The following SSBP3 variants were observed in gnomAD, a reference collection of about 807,000 sequenced individuals.
SSBP3 encodes single-stranded DNA-binding protein 3.
In SSBP3, 5 loss-of-function variants were observed where a neutral mutation model predicts 69.6. That is an observed-to-expected ratio of 0.07 (90% CI 0.04 to 0.15). The LOEUF (loss-of-function observed/expected upper bound fraction) is 0.15. Ranked by LOEUF, SSBP3 falls within the 10% of genes least tolerant of loss-of-function variation. The pLI is 1.00. For synonymous variants in SSBP3, 196 were observed against 193.4 expected, an observed-to-expected ratio of 1.01 and a Z score of -0.11; for missense variants, 312 against 534.0, an observed-to-expected ratio of 0.58 and a Z score of 4.10.
intron 9 of SSBP3, among the ~76,000 whole-genome samples, chr1:54,250,287 G>C (rs1038200047): frequency 6.6e-6 from 1 of 152,228 alleles, no homozygotes; most frequent in African/African-American, 2.4e-5. Context: ...TATGGGGCTG[G>C]CAGAAGACAA....
chr1:54,314,968 C>T (rs1646069761), intron 4 of SSBP3, among the ~76,000 whole-genome samples: 1 of 152,150 alleles, frequency 6.6e-6, no homozygotes, highest in African/African-American at 2.4e-5. Flanking sequence ...CAGAGCTTGT[C>T]ACTCGGCCCT....
At chr1:54,405,064 T>G in intron 1 of SSBP3, 134 bp from the exon 2 acceptor site, 1 of 774,996 alleles carries the variant, frequency 1.3e-6, no homozygotes, top group Non-Finnish European at 2.2e-6. Flanking sequence ...GGTAAGCAGC[T>G]AGCTCACCCC....
chr1:54,313,242 T>C (rs1292287291), intron 4 of SSBP3, among the ~76,000 whole-genome samples: 1 of 151,946 alleles, frequency 6.6e-6, no homozygotes, highest in African/African-American at 2.4e-5. Flanking sequence ...TTGATATGTT[T>C]GTTCTCCAAA....
intron 7 of SSBP3, among the ~76,000 whole-genome samples, chr1:54,255,991 G>A (rs774561316): frequency 3.9e-5 from 6 of 152,018 alleles, no homozygotes; most frequent in Non-Finnish European, 8.8e-5. Context: ...AGAACTGCTT[G>A]AACCCAGGAG....
intron 4 of SSBP3, among the ~76,000 whole-genome samples, chr1:54,336,064 A>G (rs1381305984): frequency 6.6e-6 from 1 of 152,208 alleles, no homozygotes; most frequent in Non-Finnish European, 1.5e-5. Flanking sequence ...CAGCTACTAC[A>G]TCTGCAGAAA....
At chr1:54,328,277 A>T (rs968945864) in intron 4 of SSBP3, among the ~76,000 whole-genome samples, 2 of 152,206 alleles carry the variant, frequency 1.3e-5, no homozygotes, top group African/African-American at 4.8e-5. Flanking sequence ...ACCCTGCCTG[A>T]GCGAGGTGTT....
chr1:54,247,700 C>T (rs78002296), intron 9 of SSBP3, among the ~76,000 whole-genome samples: 1 of 152,170 alleles, frequency 6.6e-6, no homozygotes, highest in Non-Finnish European at 1.5e-5. Flanking sequence ...GAAACAACAA[C>T]AAGTCGGTGG....
intron 10 of SSBP3, among the ~76,000 whole-genome samples, chr1:54,242,509 G>T (rs536190971): frequency 5.3e-5 from 8 of 152,286 alleles, no homozygotes; most frequent in African/African-American, 1.9e-4. Context: ...TCACAACAGG[G>T]TTAAAAATCA....
At chr1:54,308,533 G>A (rs1308999744) in intron 4 of SSBP3, among the ~76,000 whole-genome samples, 4 of 151,092 alleles carry the variant, frequency 2.6e-5, no homozygotes, top group South Asian at 2.1e-4. Flanking sequence ...CCCGGGAGGC[G>A]GAGCTTGCAG....
At chr1:54,282,128 C>T (rs1021895670) in intron 4 of SSBP3, among the ~76,000 whole-genome samples, 1 of 152,120 alleles carries the variant, frequency 6.6e-6, no homozygotes, top group Non-Finnish European at 1.5e-5. Context: ...CAGCCTGAGA[C>T]AAAGTGCCAA....
chr1:54,226,808 C>T, exon 18 of SSBP3: 1 of 278,590 alleles, frequency 3.6e-6, no homozygotes, highest in Non-Finnish European at 6.9e-6. Context: ...AAACCCCAAA[C>T]AAAAAACAAC....
At chr1:54,403,421 G>C (rs572070626) in intron 3 of SSBP3, among the ~76,000 whole-genome samples, 1 of 152,136 alleles carries the variant, frequency 6.6e-6, no homozygotes, top group African/African-American at 2.4e-5. Flanking sequence ...GTTTCTACAA[G>C]ATCCAAGCCG....
intron 4 of SSBP3, among the ~76,000 whole-genome samples, chr1:54,346,136 C>T (rs1424801461): frequency 6.6e-6 from 1 of 151,056 alleles, no homozygotes; most frequent in South Asian, 2.1e-4. Context: ...GCACTCCAGC[C>T]GTGTGACAGA....
At chr1:54,406,627 T>G (rs1649795887), upstream of SSBP3, among the ~76,000 whole-genome samples, 1 of 151,816 alleles carries the variant, frequency 6.6e-6, no homozygotes, top group South Asian at 2.1e-4. Context: ...AGCCTCTCTT[T>G]CTGTCGCCGG....
rs547687511 is a variant in SSBP3 at position 54,298,269 on chromosome 1, C to T, written c.277-16742G>A. Among the ~76,000 whole-genome samples the T allele has an allele frequency of 3.3e-5, 5 of 152,250 alleles. No homozygotes were observed. In the South Asian group the frequency reaches 1.0e-3, roughly 32 times the overall value. On this transcript the variant is annotated intron_variant, in intron 4 of 17. Coordinates refer to ENST00000610401, the Ensembl canonical transcript of SSBP3. ...TGATTAGGTCTGGGGAGGCCTAGCT[C>T]GGACCCCTCTCTGCACTACCATGCC... is the stretch of plus-strand genomic sequence containing the variant.
At chr1:54,361,296 G>C (rs1295139077) in intron 4 of SSBP3, among the ~76,000 whole-genome samples, 2 of 152,148 alleles carry the variant, frequency 1.3e-5, no homozygotes, top group Non-Finnish European at 2.9e-5. Flanking sequence ...TTCACATCCT[G>C]TAACCTGGCC....
chr1:54,268,270 G>A (rs546003486), intron 5 of SSBP3, among the ~76,000 whole-genome samples: 26 of 152,368 alleles, frequency 1.7e-4, no homozygotes, highest in African/African-American at 6.3e-4. Flanking sequence ...AAAATGGATA[G>A]TGCTGCAAAG....
chr1:54,242,201 G>A, exon 11 of SSBP3: 1 of 1,613,830 alleles, frequency 6.2e-7, no homozygotes. Flanking sequence ...GGGTCTGCCA[G>A]CTCCCGGGCC....
intron 1 of SSBP3, 61 bp downstream of exon 1, chr1:54,405,892 C>G: frequency 1.3e-6 from 1 of 779,570 alleles, no homozygotes; most frequent in Non-Finnish European, 1.7e-6. Flanking sequence ...ACCTGCCTCC[C>G]ACCGCCCGCC....
Sources: allele counts gnomAD v4.1 joint callset (sites outside exome capture counted in the v4.1 genomes callset), GRCh38; gene constraint gnomAD v4.1.1; transcripts MANE v1.5; gene names NCBI Gene and HGNC (gene_info 2026-07-23, HGNC 2026-07-21).